Variants in CREBL2 observed in about 807,000 individuals in gnomAD.
CREBL2 encodes the protein cAMP-responsive element-binding protein-like 2.
CREBL2 carries 4 observed loss-of-function variants against 19.5 expected under a neutral mutation model. The observed-to-expected ratio is 0.20, with a 90% CI of 0.10 to 0.47. The LOEUF (loss-of-function observed/expected upper bound fraction) is 0.47, where lower values mean the gene tolerates loss of function less well. Ranked by LOEUF, CREBL2 falls within the 20% of genes least tolerant of loss-of-function variation. CREBL2 has a pLI of 0.98. For missense variants in CREBL2, 85 were observed against 145.1 expected, an observed-to-expected ratio of 0.59 and a Z score of 2.13; for synonymous variants, 42 against 46.6, an observed-to-expected ratio of 0.90 and a Z score of 0.40.
chr12:12,619,932 C>A (rs10772586), intron 1 of CREBL2, among the ~76,000 whole-genome samples: 72,714 of 151,946 alleles, frequency 0.48, 19,841 homozygotes, highest in Non-Finnish European at 0.6. Flanking sequence ...CCCTTTTAAC[C>A]CTCTCCCTCT....
At chr12:12,629,346 T>C (rs954192128) in intron 1 of CREBL2, among the ~76,000 whole-genome samples, 4 of 152,206 alleles carry the variant, frequency 2.6e-5, no homozygotes, top group African/African-American at 9.6e-5. Flanking sequence ...ATGCTAAATT[T>C]ATTCCTGAGT....
intron 1 of CREBL2, among the ~76,000 whole-genome samples, chr12:12,629,527 A>G (rs1056113589): frequency 6.6e-6 from 1 of 152,152 alleles, no homozygotes; most frequent in African/African-American, 2.4e-5. Flanking sequence ...GGGGGGCAAG[A>G]ATTCTTTTGG....
chr12:12,638,784 G>C (rs1024841702), intron 3 of CREBL2, among the ~76,000 whole-genome samples: 11 of 152,156 alleles, frequency 7.2e-5, no homozygotes, highest in African/African-American at 2.4e-4. Flanking sequence ...CCTAATCCAG[G>C]CTGTCTAGTG....
chr12:12,612,198 T>C lies in CREBL2; in HGVS notation c.15+11T>C, dbSNP rs775185779. ...ATGGATGACAGTAAGGTAAGTCTTG[T>C]GGTTTGCACGCGCCGCCGCCTTCTT... On this transcript the variant is annotated intron_variant, in intron 1 of 3. Coordinates refer to ENST00000228865, the MANE Select transcript of CREBL2 (RefSeq NM_001310.4). 2 of 1,613,470 alleles carry C rather than the reference T, an allele frequency of 1.2e-6. No individual in the cohort carries two copies. Among genetic ancestry groups the C allele is most frequent in the Non-Finnish European group, 1.7e-6 (2 of 1,180,018 alleles).
At position 12,635,745 on chromosome 12, in the gene CREBL2, GA is replaced by G. The variant is rs753879291; in HGVS notation, c.16-26del. 7.0e-6 allele frequency: 11 copies of G among 1,574,830 alleles called. No individual in the cohort carries two copies. The African/African-American group carries it at 1.5e-4, about 21-fold the overall frequency. ...TCACTTTTCTGTACACAGAACTAAGGAAAAAATTATTTCTTCTCTCGCTTGC... is the reference window on the plus strand; with the variant it reads ...TCACTTTTCTGTACACAGAACTAAGGAAAAATTATTTCTTCTCTCGCTTGC... On this transcript the variant is annotated intron_variant, in intron 1 of 3. Transcript: ENST00000228865.
At chr12:12,626,438 C>T (rs1377239534) in intron 1 of CREBL2, among the ~76,000 whole-genome samples, 2 of 152,168 alleles carry the variant, frequency 1.3e-5, no homozygotes, top group Non-Finnish European at 2.9e-5. Context: ...CTTGACCCCT[C>T]CCCTCCAGAA....
intron 1 of CREBL2, among the ~76,000 whole-genome samples, chr12:12,626,263 T>TG (rs1306330619): frequency 6.6e-6 from 1 of 152,242 alleles, no homozygotes; most frequent in Non-Finnish European, 1.5e-5. Flanking sequence ...ACTTGTTGAC[T>TG]GTGAAGCCTA....
chr12:12,633,943 G>C (rs797005541), intron 1 of CREBL2, among the ~76,000 whole-genome samples: 5 of 152,134 alleles, frequency 3.3e-5, no homozygotes, highest in Non-Finnish European at 7.3e-5. Flanking sequence ...CAATATTCCT[G>C]TCAGGACACT....
rs137943464 is a variant in CREBL2, at chr12:12,642,827, A to G, written c.*829A>G. 1 of 152,672 alleles carries G rather than the reference A, an allele frequency of 6.5e-6. No individual in the cohort carries two copies. The highest frequency in any genetic ancestry group is 2.4e-5 in the African/African-American group (1 of 41,556). The allele number at this position is 152,672 out of a possible 1,614,324, so 9.5% of individuals were successfully genotyped here. ...AGCATACATTGACAATCTAGGGTAT[A>G]TATGTATGTATGTTTCTTATTGTAT... On this transcript the variant is annotated 3_prime_UTR_variant, in exon 4 of 4. Transcript: ENST00000228865.
intron 3 of CREBL2, 132 bp from the exon 4 acceptor site, chr12:12,641,861 TA>T (rs374473387): frequency 6.4e-6 from 3 of 469,208 alleles, no homozygotes; most frequent in South Asian, 4.2e-5. Flanking sequence ...AGCTTTTTTT[TA>T]GTCTGTATTT....
Position 12,636,529 on chromosome 12 carries a change from C to T in CREBL2, c.213+555C>T, listed in dbSNP as rs181001679. On this transcript the variant is annotated intron_variant, in intron 2 of 3. Coordinates refer to ENST00000228865, the MANE Select transcript of CREBL2 (RefSeq NM_001310.4). ...CTACCTCCCAGGTTCACGCCATTCT[C>T]CTGCCTCAGCCTCCTGAGTAGCTGG... is the stretch of plus-strand genomic sequence containing the variant. Among the ~76,000 whole-genome samples the T allele has an allele frequency of 4.7e-3, 710 of 152,298 alleles. 2 individuals carry two copies. The highest frequency in any genetic ancestry group is 6.9e-3 in the Non-Finnish European group (472 of 68,014).
At chr12:12,630,995 G>A (rs186178265) in intron 1 of CREBL2, among the ~76,000 whole-genome samples, 5 of 152,276 alleles carry the variant, frequency 3.3e-5, no homozygotes, top group African/African-American at 7.2e-5. Context: ...ATATGACACA[G>A]TTCCAGGTGC....
At chr12:12,614,338 CT>C in intron 1 of CREBL2, 1 of 152,650 alleles carries the variant, frequency 6.6e-6, no homozygotes, top group Non-Finnish European at 1.5e-5. Flanking sequence ...GTTTTTACAC[CT>C]TTTGTCTTTT....
chr12:12,633,870 CT>C (rs1207221864), intron 1 of CREBL2, among the ~76,000 whole-genome samples: 2 of 152,176 alleles, frequency 1.3e-5, no homozygotes, highest in African/African-American at 4.8e-5. Context: ...TACATTTATT[CT>C]AATGATTTGC....
At chr12:12,636,362 T>C (rs565331114) in intron 2 of CREBL2, among the ~76,000 whole-genome samples, 2 of 152,216 alleles carry the variant, frequency 1.3e-5, no homozygotes, top group Non-Finnish European at 2.9e-5. Context: ...TATAACAATA[T>C]GTAACTATGC....
intron 2 of CREBL2, among the ~76,000 whole-genome samples, chr12:12,637,055 A>G (rs1945480663): frequency 6.6e-6 from 1 of 152,188 alleles, no homozygotes; most frequent in Non-Finnish European, 1.5e-5. Flanking sequence ...TACTTTCTGC[A>G]GTGTAAGCCA....
chr12:12,635,540 A>G (rs888291418), intron 1 of CREBL2, among the ~76,000 whole-genome samples: 1 of 152,190 alleles, frequency 6.6e-6, no homozygotes, highest in Non-Finnish European at 1.5e-5. Context: ...AAACTTTATT[A>G]TCAAATAAAT....
At position 12,611,921 on chromosome 12, in the gene CREBL2, C is replaced by T. The variant is rs1418137494; in HGVS notation, c.-252C>T. The T allele has an allele frequency of 1.7e-6, 1 of 579,552 alleles. No individual in the cohort carries two copies. Among genetic ancestry groups the T allele is most frequent in the Non-Finnish European group, 3.0e-6 (1 of 327,902 alleles). The allele number at this position is 579,552 out of a possible 1,614,324, so 35.9% of individuals were successfully genotyped here. A position where few individuals can be genotyped will look rare whatever the true frequency, so the allele number is the denominator to read the frequency against. On this transcript the variant is annotated 5_prime_UTR_variant, in exon 1 of 4. Coordinates refer to ENST00000228865, the MANE Select transcript of CREBL2 (RefSeq NM_001310.4). Reference sequence around the variant, plus strand: ...GCGTCTGTAAACACCCAGAGACTGTCATGGAGGGGGAGGAGGAGGCGGCGG... The same window carrying T: ...GCGTCTGTAAACACCCAGAGACTGTTATGGAGGGGGAGGAGGAGGCGGCGG...
At chr12:12,627,158 C>G (rs982708951) in intron 1 of CREBL2, among the ~76,000 whole-genome samples, 2 of 152,022 alleles carry the variant, frequency 1.3e-5, no homozygotes, top group Non-Finnish European at 2.9e-5. Flanking sequence ...AGAGTGAACT[C>G]TAATGTAAAC....
Sources: gnomAD v4.1 joint callset for allele counts (sites outside exome capture counted in the v4.1 genomes callset) on GRCh38, gnomAD v4.1.1 for gene constraint, MANE v1.5 for transcripts, NCBI Gene and HGNC (gene_info 2026-07-23, HGNC 2026-07-21) for gene names.